SPAG16: variants seen among roughly 807,000 people sequenced by gnomAD.
The protein encoded by SPAG16 is sperm-associated antigen 16 protein.
A neutral mutation model predicts 80.4 loss-of-function variants in SPAG16; 86 were observed. That is an observed-to-expected ratio of 1.07 (90% CI 0.90 to 1.28). The LOEUF (loss-of-function observed/expected upper bound fraction) is 1.28. Ranked by LOEUF, SPAG16 falls within the 50% of genes most tolerant of loss-of-function variation. The probability of loss-of-function intolerance (pLI) is 0.00; values close to 1 mark genes in which losing one functional copy is unlikely to be tolerated. For missense variants in SPAG16, 870 were observed against 765.3 expected (o/e 1.14, Z -1.61); for synonymous variants, 294 against 265.9 (o/e 1.11, Z -1.03).
At chr2:213,838,177 T>A (rs967168094) in intron 10 of SPAG16, among the ~76,000 whole-genome samples, 5 of 152,058 alleles carry the variant, frequency 3.3e-5, no homozygotes, top group African/African-American at 1.2e-4. Flanking sequence ...TTATCTCTGA[T>A]TTCTTTTTTT....
intron 10 of SPAG16, among the ~76,000 whole-genome samples, chr2:213,643,282 C>T (rs2062673435): frequency 7.1e-6 from 1 of 141,650 alleles, no homozygotes; most frequent in East Asian, 2.1e-4. Context: ...TATGTCATGG[C>T]ACTCCCTCCT....
intron 9 of SPAG16, among the ~76,000 whole-genome samples, chr2:213,421,219 C>A (rs2069564091): frequency 1.3e-5 from 2 of 152,254 alleles, no homozygotes; most frequent in South Asian, 4.1e-4. Flanking sequence ...TGGCCTTTCC[C>A]TGCTCCTGGC....
chr2:214,163,004 G>T (rs1050336532), intron 15 of SPAG16, among the ~76,000 whole-genome samples: 1 of 152,118 alleles, frequency 6.6e-6, no homozygotes, highest in East Asian at 1.9e-4. Flanking sequence ...TTATTAACTA[G>T]TTATTCAAAT....
At chr2:213,356,389 G>A (rs2065652368) in intron 7 of SPAG16, among the ~76,000 whole-genome samples, 1 of 152,220 alleles carries the variant, frequency 6.6e-6, no homozygotes, top group African/African-American at 2.4e-5. Context: ...GACTTTATTT[G>A]GTTGGTAGGT....
chr2:213,751,391 T>C (rs12611598), intron 10 of SPAG16, among the ~76,000 whole-genome samples: 2,313 of 152,260 alleles, frequency 0.015, 161 homozygotes, highest in Admixed American at 0.11. Context: ...ATTAGAATAA[T>C]GTAAATAAGT....
chr2:213,329,236 A>T (rs1382483411), intron 5 of SPAG16, among the ~76,000 whole-genome samples: 1 of 152,238 alleles, frequency 6.6e-6, no homozygotes, highest in African/African-American at 2.4e-5. Flanking sequence ...AGAACTGGGT[A>T]ACAGGCAGAG....
intron 15 of SPAG16, among the ~76,000 whole-genome samples, chr2:214,352,643 A>C (rs1476210420): frequency 6.7e-6 from 1 of 149,176 alleles, no homozygotes; most frequent in East Asian, 2.0e-4. Context: ...TACAGCATTG[A>C]AGCATCTGCC....
chr2:213,603,053 T>A (rs995145089), intron 10 of SPAG16, among the ~76,000 whole-genome samples: 8 of 152,232 alleles, frequency 5.3e-5, no homozygotes, highest in African/African-American at 1.9e-4. Context: ...AAAAATATAT[T>A]TCTCATTCAT....
intron 1 of SPAG16, among the ~76,000 whole-genome samples, chr2:213,293,952 ACT>A (rs2062398291): frequency 6.6e-6 from 1 of 151,982 alleles, no homozygotes; most frequent in South Asian, 2.1e-4. Flanking sequence ...TTTAAGATCT[ACT>A]CTCTTTACAA....
chr2:213,285,199 C>T (rs2062009666), intron 1 of SPAG16, among the ~76,000 whole-genome samples: 2 of 151,958 alleles, frequency 1.3e-5, no homozygotes, highest in Admixed American at 1.3e-4. Context: ...AGTATAGTTG[C>T]TTTTTTTTCT....
At chr2:213,905,327 C>T (rs567391768) in intron 11 of SPAG16, among the ~76,000 whole-genome samples, 3 of 152,060 alleles carry the variant, frequency 2.0e-5, no homozygotes, top group Non-Finnish European at 2.9e-5. Flanking sequence ...ATATTTTATA[C>T]GTATAATAAC....
chr2:213,673,099 C>T (rs2063887386), intron 10 of SPAG16, among the ~76,000 whole-genome samples: 1 of 151,816 alleles, frequency 6.6e-6, no homozygotes, highest in South Asian at 2.1e-4. Context: ...ATCTATTTTC[C>T]TCTATATTCA....
chr2:214,272,875 C>T (rs916599504), intron 15 of SPAG16, among the ~76,000 whole-genome samples: 11 of 152,128 alleles, frequency 7.2e-5, no homozygotes, highest in Admixed American at 7.2e-4. Context: ...ACACTGTCTT[C>T]CACAATGGTT....
intron 15 of SPAG16, among the ~76,000 whole-genome samples, chr2:214,193,548 T>C (rs1443640120): frequency 2.6e-5 from 4 of 151,930 alleles, no homozygotes; most frequent in African/African-American, 4.8e-5. Flanking sequence ...AATAAATCTG[T>C]GTGATTTATT....
intron 5 of SPAG16, chr2:213,317,607 T>C: frequency 9.0e-7 from 1 of 1,116,302 alleles, no homozygotes. Flanking sequence ...TATATAACAT[T>C]CACTTCCTTG....
chr2:213,971,470 T>C (rs1012936092), intron 12 of SPAG16, among the ~76,000 whole-genome samples: 1 of 151,838 alleles, frequency 6.6e-6, no homozygotes, highest in African/African-American at 2.4e-5. Flanking sequence ...AAAATTAACA[T>C]ATTATATTTT....
intron 13 of SPAG16, among the ~76,000 whole-genome samples, chr2:214,050,292 A>C (rs1447082190): frequency 3.3e-5 from 1 of 30,182 alleles, no homozygotes; most frequent in African/African-American, 8.2e-5. Flanking sequence ...GGCCCCAGCT[A>C]AAAAAAAAAA....
intron 10 of SPAG16, among the ~76,000 whole-genome samples, chr2:213,689,221 G>T (rs1489242260): frequency 1.3e-5 from 2 of 152,180 alleles, no homozygotes; most frequent in Non-Finnish European, 2.9e-5. Context: ...GCCTTGCAAA[G>T]TGCTGGAATT....
intron 7 of SPAG16, among the ~76,000 whole-genome samples, chr2:213,353,290 T>C (rs568820455): frequency 6.6e-6 from 1 of 152,324 alleles, no homozygotes; most frequent in South Asian, 2.1e-4. Context: ...TAGCTTTTTT[T>C]CTGCTCCAGT....
Sources: gnomAD v4.1 joint callset for allele counts (sites outside exome capture counted in the v4.1 genomes callset) on GRCh38, gnomAD v4.1.1 for gene constraint, MANE v1.5 for transcripts, NCBI Gene and HGNC (gene_info 2026-07-23, HGNC 2026-07-21) for gene names.